The following ZFC3H1 variants were observed in gnomAD, a reference collection of about 807,000 sequenced individuals.
ZFC3H1 encodes zinc finger C3H1 domain-containing protein.
ZFC3H1 carries 71 observed loss-of-function variants against 243.7 expected under a neutral mutation model. The ratio of observed to expected loss-of-function variants is 0.29; its 90% CI spans 0.24 to 0.36. The LOEUF is 0.36. Among genes scored for constraint, ZFC3H1 ranks in the 10% least tolerant of loss-of-function variants. The pLI is 1.00. For missense variants in ZFC3H1, 1,966 were observed against 2,317.1 expected (o/e 0.85, Z 3.11); for synonymous variants, 838 against 813.0 (o/e 1.03, Z -0.52).
chr12:71,624,382 A>C, intron 22 of ZFC3H1, 90 bp from the exon 23 acceptor site: 3,861 of 1,281,994 alleles, frequency 3.0e-3, no homozygotes, highest in Non-Finnish European at 3.8e-3. Context: ...AAACCATCTC[A>C]TAGTAAATCT....
intron 3 of ZFC3H1, among the ~76,000 whole-genome samples, chr12:71,646,101 T>C (rs2137550262): frequency 6.6e-6 from 1 of 152,344 alleles, no homozygotes; most frequent in Admixed American, 6.5e-5. Context: ...CTTTCTATTG[T>C]TAAACATAAA....
chr12:71,652,335 C>T (rs541304874), intron 2 of ZFC3H1, among the ~76,000 whole-genome samples: 19 of 152,270 alleles, frequency 1.2e-4, no homozygotes, highest in African/African-American at 4.6e-4. Flanking sequence ...TAATAGCCCA[C>T]CCAACGTTTA....
chr12:71,610,954 GA>G lies in ZFC3H1; in HGVS notation c.5769+103del, dbSNP rs1321700556. ...TCCCCACTTGGTTCTTAGTGTGCAT[GA>G]AATGTTAACTTCTGTGCTTTAATTC... is the stretch of plus-strand genomic sequence containing the variant. On this transcript the variant is annotated intron_variant, in intron 33 of 34. Transcript: ENST00000378743. 6 of 1,530,412 alleles carry G rather than the reference GA, an allele frequency of 3.9e-6. No homozygotes were observed. In the East Asian group the frequency reaches 1.4e-4, roughly 35 times the overall value. The allele number at this position is 1,530,412 out of a possible 1,614,324, so 94.8% of individuals were successfully genotyped here. A position where few individuals can be genotyped will look rare whatever the true frequency, so the allele number is the denominator to read the frequency against.
intron 2 of ZFC3H1, among the ~76,000 whole-genome samples, chr12:71,652,056 T>A (rs985855508): frequency 6.6e-6 from 1 of 152,086 alleles, no homozygotes; most frequent in Admixed American, 6.6e-5. Context: ...ATAATAAAGG[T>A]TGAGTAAAAG....
intron 2 of ZFC3H1, among the ~76,000 whole-genome samples, chr12:71,649,091 CAAAAAAAA>C (rs35231608): frequency 1.1e-5 from 1 of 89,832 alleles, no homozygotes; most frequent in African/African-American, 3.9e-5. Context: ...ACTCTTGTCT[CAAAAAAAA>C]AAAAAAAAAA....
chr12:71,652,448 A>G (rs1203519024), intron 2 of ZFC3H1, among the ~76,000 whole-genome samples: 1 of 152,164 alleles, frequency 6.6e-6, no homozygotes, highest in Non-Finnish European at 1.5e-5. Context: ...CCAAAAAAAT[A>G]CCGTTATCTC....
chr12:71,661,513 C>G (rs1347541014), intron 1 of ZFC3H1, among the ~76,000 whole-genome samples: 1 of 138,028 alleles, frequency 7.2e-6, no homozygotes, highest in African/African-American at 2.7e-5. Context: ...AACGGAGTCT[C>G]GCTTTACCGC....
rs576195992 is a variant in ZFC3H1 at position 71,643,036 on chromosome 12, T to C, written c.1504-477A>G. On this transcript the variant is annotated intron_variant, in intron 5 of 34. Coordinates refer to ENST00000378743, the MANE Select transcript of ZFC3H1 (RefSeq NM_144982.5). Reference sequence around the variant, plus strand: ...GGTAAATGTGTTTATCTATTGTATGTTGTTTTCTTGTCTACTTCTTACTAT... The same window carrying C: ...GGTAAATGTGTTTATCTATTGTATGCTGTTTTCTTGTCTACTTCTTACTAT... 3.9e-5 allele frequency among the ~76,000 whole-genome samples: 6 copies of C among 152,368 alleles called. No individual in the cohort carries two copies. In the East Asian group the frequency reaches 1.2e-3, roughly 29 times the overall value.
At chr12:71,661,633 C>T (rs1429668429) in intron 1 of ZFC3H1, among the ~76,000 whole-genome samples, 1 of 151,988 alleles carries the variant, frequency 6.6e-6, no homozygotes, top group African/African-American at 2.4e-5. Flanking sequence ...AAGCACCCAA[C>T]ACCACGCCTG....
At position 71,636,660 on chromosome 12, in the gene ZFC3H1, T is replaced by C; in HGVS notation, c.1936-6A>G. On this transcript the variant is annotated splice_polypyrimidine_tract_variant and splice_region_variant and intron_variant, in intron 8 of 34. Transcript: ENST00000378743. ...TCACTATTACTGGATGTTTCCTACA[T>C]AAGGAAGAGAAAGACATTAAACATT... The C allele has an allele frequency of 6.3e-7, 1 of 1,597,876 alleles. No homozygotes were observed. The highest frequency in any genetic ancestry group is 8.5e-7 in the Non-Finnish European group (1 of 1,175,948).
intron 27 of ZFC3H1, among the ~76,000 whole-genome samples, chr12:71,617,909 G>C (rs559859501): frequency 6.6e-6 from 1 of 152,116 alleles, no homozygotes; most frequent in Non-Finnish European, 1.5e-5. Context: ...CATATATAAA[G>C]ACTCAAGTCT....
chr12:71,617,848 T>C (rs747951905), intron 27 of ZFC3H1, among the ~76,000 whole-genome samples: 8 of 152,166 alleles, frequency 5.3e-5, no homozygotes, highest in Non-Finnish European at 7.3e-5. Context: ...AAGGGCCCTT[T>C]GGGAAGGGCA....
chr12:71,651,894 C>T (rs1880895078), intron 2 of ZFC3H1, among the ~76,000 whole-genome samples: 1 of 152,124 alleles, frequency 6.6e-6, no homozygotes, highest in Non-Finnish European at 1.5e-5. Flanking sequence ...CAAGTTAAAA[C>T]AAAATGGCCA....
chr12:71,612,247 A>T (rs901033669), intron 31 of ZFC3H1, among the ~76,000 whole-genome samples: 6 of 152,002 alleles, frequency 3.9e-5, no homozygotes, highest in Non-Finnish European at 7.4e-5. Context: ...TTAGAGTATG[A>T]TCAGTCTTGA....
chr12:71,639,689 G>A (rs995868959), intron 6 of ZFC3H1, among the ~76,000 whole-genome samples: 3 of 152,146 alleles, frequency 2.0e-5, no homozygotes, highest in African/African-American at 7.2e-5. Context: ...TCAGCCACTA[G>A]GGGGTCTGAA....
In ZFC3H1 at chr12:71,644,252, T is replaced by C; in HGVS notation, c.1346A>G (p.Glu449Gly). ...CCGCTGATCCTCTTCTTTCTGTCTT[T>C]CCTGCTCTTTTTGTTGTTGTAGTTT... ...WKKLQQQKEQ[E>G]RQKEEDQRKQ... The change falls in exon 5 of 35, where the codon GAA becomes GGA. Residue 449 changes from glutamate to glycine, a missense_variant. Physicochemically the swap from Glu to Gly is moderately conservative, Grantham distance 98 (BLOSUM62 -2). Coordinates refer to ENST00000378743, the MANE Select transcript of ZFC3H1 (RefSeq NM_144982.5). 1 of 1,613,122 alleles carries C rather than the reference T, an allele frequency of 6.2e-7. No homozygotes were observed. Among genetic ancestry groups the C allele is most frequent in the South Asian group, 1.1e-5 (1 of 90,982 alleles).
At chr12:71,628,297 T>C (rs998953293) in intron 20 of ZFC3H1, among the ~76,000 whole-genome samples, 1 of 152,176 alleles carries the variant, frequency 6.6e-6, no homozygotes, top group Non-Finnish European at 1.5e-5. Flanking sequence ...AATTAAGAAA[T>C]TAAAAGTCAT....
Position 71,634,259 on chromosome 12 carries a change from A to G in ZFC3H1, c.2406T>C (p.Ser802=). The G allele has an allele frequency of 6.2e-7, 1 of 1,614,072 alleles. No homozygotes were observed. ...RLIKSDQLKT[S]SSSPANSDVE... ...CATCAGAGTTTGCTGGGGATGATGA[A>G]CTTGTCTTCAGCTGATCTGATTTAA... Residue 802 remains serine, a synonymous_variant, in exon 12 of 35, where the codon AGT becomes AGC. Coordinates refer to ENST00000378743, the MANE Select transcript of ZFC3H1 (RefSeq NM_144982.5).
In ZFC3H1 at chr12:71,634,248, G is replaced by A. The variant is rs1880402321; in HGVS notation, c.2417C>T (p.Pro806Leu). 4 of 1,613,888 alleles carry A rather than the reference G, an allele frequency of 2.5e-6. No homozygotes were observed. Among genetic ancestry groups the A allele is most frequent in the Non-Finnish European group, 3.4e-6 (4 of 1,179,952 alleles). The change falls in exon 12 of 35, where the codon CCA (proline) becomes CTA (leucine). Residue 806 changes from proline to leucine, a missense_variant. This residue lies in a region of ZFC3H1 where 1,383 missense variants were observed against 1,723.7 expected (regional missense o/e 0.80). Transcript: ENST00000378743. The stretch of plus-strand genomic sequence containing the variant: ...ATCAATTTCCACATCAGAGTTTGCT[G>A]GGGATGATGAACTTGTCTTCAGCTG... Reference protein sequence around the residue: ...SDQLKTSSSSPANSDVEIDGI... With the variant: ...SDQLKTSSSSLANSDVEIDGI...
Sources: allele counts gnomAD v4.1 joint callset (sites outside exome capture counted in the v4.1 genomes callset), GRCh38; gene constraint gnomAD v4.1.1; regional missense constraint gnomAD v4.1.1; transcripts MANE v1.5; gene names NCBI Gene and HGNC (gene_info 2026-07-23, HGNC 2026-07-21).